The following PARD3B variants were observed in gnomAD, a reference collection of about 807,000 sequenced individuals.
PARD3B encodes par-3 family cell polarity regulator beta.
A neutral mutation model predicts 130.2 loss-of-function variants in PARD3B; 103 were observed. That is an observed-to-expected ratio of 0.79 (90% confidence interval 0.67 to 0.93). The LOEUF (loss-of-function observed/expected upper bound fraction) is 0.93, where lower values mean the gene tolerates loss of function less well. PARD3B is among the 40% of genes least tolerant of loss of function. The pLI is 0.00. For synonymous variants in PARD3B, 583 were observed against 553.2 expected (o/e 1.05, Z -0.76); for missense variants, 1,609 against 1,499.2 (o/e 1.07, Z -1.21).
chr2:205,033,512 C>G (rs535314178), intron 3 of PARD3B, among the ~76,000 whole-genome samples: 37 of 152,232 alleles, frequency 2.4e-4, no homozygotes, highest in African/African-American at 8.2e-4. Context: ...TTTCCTCAAT[C>G]AGTTGTTCCA....
chr2:205,185,618 C>T (rs1212148671), intron 13 of PARD3B, 146 bp from the exon 14 acceptor site: 3 of 595,206 alleles, frequency 5.0e-6, no homozygotes, highest in African/African-American at 3.7e-5. Flanking sequence ...TCATAAGGAT[C>T]CTTCAGTTCT....
In PARD3B at chr2:205,175,047, T is replaced by A. The variant is rs10170069; in HGVS notation, c.1792-1398T>A. ...AGCTCATCGTGGCAAAAGCAGAATA[T>A]GTTTAAAAATCCATTATATTTTTTA... On this transcript the variant is annotated intron_variant, in intron 12 of 22. Coordinates refer to ENST00000406610, the MANE Select transcript of PARD3B (RefSeq NM_001302769.2). Among the ~76,000 whole-genome samples, 796 of 152,046 alleles carry A rather than the reference T, an allele frequency of 5.2e-3. 8 individuals carry two copies. The highest frequency in any genetic ancestry group is 0.017 in the African/African-American group (718 of 41,448).
intron 2 of PARD3B, among the ~76,000 whole-genome samples, chr2:204,712,615 AAAAAAAAAAAAC>A (rs1391053377): frequency 1.3e-5 from 2 of 149,350 alleles, no homozygotes; most frequent in African/African-American, 2.4e-5. Context: ...CCCCATCTCA[AAAAAAAAAAAAC>A]AAAAAAAAAA....
chr2:205,169,257 C>G (rs186449220), intron 11 of PARD3B, among the ~76,000 whole-genome samples: 16 of 152,206 alleles, frequency 1.1e-4, no homozygotes, highest in Admixed American at 9.8e-4. Flanking sequence ...CCACAACTCT[C>G]TGGTGATGCT....
chr2:205,016,862 A>G (rs538363426), intron 3 of PARD3B, among the ~76,000 whole-genome samples: 25 of 152,170 alleles, frequency 1.6e-4, no homozygotes, highest in Non-Finnish European at 2.9e-4. Flanking sequence ...TTAAAATGTT[A>G]AAACAGTCTA....
rs2030739850 is a variant in PARD3B, at chr2:205,121,666, A to G, written c.882A>G (p.Glu294=). 2.5e-6 allele frequency: 4 copies of G among 1,614,218 alleles called. No homozygotes were observed. Among genetic ancestry groups the G allele is most frequent in the Non-Finnish European group, 2.5e-6 (3 of 1,180,042 alleles). The part of the protein sequence containing the change: ...LLHVLPPQNR[E]QYEKSVIGSL... Reference sequence around the variant, plus strand: ...ACGTGCTTCCTCCACAAAACCGTGAACAGTATGAAAAGTCAGTCATTGGCT... The same window carrying G: ...ACGTGCTTCCTCCACAAAACCGTGAGCAGTATGAAAAGTCAGTCATTGGCT... Residue 294 remains glutamate (E), a synonymous_variant, in exon 8 of 23, where the codon GAA becomes GAG. Transcript: ENST00000406610. The surrounding 1 kb of genome is among the most constrained non-coding windows in gnomAD (Gnocchi z 5.0).
chr2:205,440,254 A>G lies in PARD3B; in HGVS notation c.2742-116A>G. On this transcript the variant is annotated intron_variant, in intron 19 of 22. Coordinates refer to ENST00000406610, the MANE Select transcript of PARD3B (RefSeq NM_001302769.2). The surrounding 1 kb of genome is among the most constrained non-coding windows in gnomAD (Gnocchi z 4.2). The stretch of plus-strand genomic sequence containing the variant: ...TTCTGCATGCTGTGATCTTGAGTAA[A>G]CAGGAGAATGACAGCTAAGAGACGA... The G allele has an allele frequency of 2.0e-6, 2 of 1,016,266 alleles. No individual in the cohort carries two copies. The highest frequency in any genetic ancestry group is 1.6e-5 in the African/African-American group (1 of 61,544). 63.0% of individuals were successfully genotyped at this position (1,016,266 alleles called of 1,614,324 possible). A position where few individuals can be genotyped will look rare whatever the true frequency, so the allele number is the denominator to read the frequency against.
At chr2:205,118,875 C>A in intron 6 of PARD3B, 46 bp from the exon 7 acceptor site, 1 of 1,251,466 alleles carries the variant, frequency 8.0e-7, no homozygotes, top group Non-Finnish European at 1.1e-6. Flanking sequence ...AAATAATTAG[C>A]ATTTATTATT....
At chr2:205,611,319 G>C (rs1402885802) in intron 22 of PARD3B, among the ~76,000 whole-genome samples, 1 of 152,126 alleles carries the variant, frequency 6.6e-6, no homozygotes, top group Non-Finnish European at 1.5e-5. Flanking sequence ...AATTGTTTTA[G>C]CAAATGTAGG....
chr2:204,852,607 A>G (rs1306518848), intron 2 of PARD3B, among the ~76,000 whole-genome samples: 2 of 152,178 alleles, frequency 1.3e-5, no homozygotes, highest in Non-Finnish European at 2.9e-5. Context: ...AGGGATTAGT[A>G]TATTTCTCAA....
At chr2:204,576,996 T>A (rs2032295847) in intron 1 of PARD3B, among the ~76,000 whole-genome samples, 2 of 152,220 alleles carry the variant, frequency 1.3e-5, no homozygotes, top group African/African-American at 2.4e-5. Context: ...ATGATAGTGT[T>A]TGAATTTGAA....
intron 1 of PARD3B, among the ~76,000 whole-genome samples, chr2:204,624,512 A>G (rs1178444523): frequency 6.6e-6 from 1 of 152,200 alleles, no homozygotes; most frequent in Non-Finnish European, 1.5e-5. Flanking sequence ...AGGTATTTGC[A>G]TTTCCATATT....
At chr2:204,909,199 G>A (rs982402451) in intron 2 of PARD3B, among the ~76,000 whole-genome samples, 2 of 152,018 alleles carry the variant, frequency 1.3e-5, no homozygotes, top group Admixed American at 1.3e-4. Context: ...CAAATATTTG[G>A]GAAAGTAATT....
At chr2:204,959,210 T>C (rs1211012802) in intron 2 of PARD3B, among the ~76,000 whole-genome samples, 1 of 152,156 alleles carries the variant, frequency 6.6e-6, no homozygotes, top group Non-Finnish European at 1.5e-5. Flanking sequence ...CTGCCACTTA[T>C]GAGTGAGAAC....
chr2:204,611,743 T>A (rs2033931964), intron 1 of PARD3B, among the ~76,000 whole-genome samples: 1 of 152,210 alleles, frequency 6.6e-6, no homozygotes, highest in Non-Finnish European at 1.5e-5. Context: ...CTCCAATTAT[T>A]TTAAAATATA....
At chr2:205,370,925 A>G (rs769200395) in intron 18 of PARD3B, among the ~76,000 whole-genome samples, 11 of 152,016 alleles carry the variant, frequency 7.2e-5, no homozygotes, top group Admixed American at 2.6e-4. Context: ...TCTGCAGTCC[A>G]TATTTCTTGT....
intron 3 of PARD3B, among the ~76,000 whole-genome samples, chr2:205,000,121 A>G (rs185714048): frequency 1.4e-4 from 21 of 151,924 alleles, no homozygotes; most frequent in Admixed American, 1.2e-3. Flanking sequence ...TGAAACTTTT[A>G]CTGGAATATT....
At chr2:204,867,542 A>G (rs1446741914) in intron 2 of PARD3B, among the ~76,000 whole-genome samples, 2 of 152,200 alleles carry the variant, frequency 1.3e-5, no homozygotes, top group Non-Finnish European at 2.9e-5. Flanking sequence ...TTATTATCTT[A>G]TAACTTCAGC....
intron 2 of PARD3B, among the ~76,000 whole-genome samples, chr2:204,854,726 C>A (rs918847059): frequency 1.3e-5 from 2 of 152,000 alleles, no homozygotes; most frequent in Non-Finnish European, 2.9e-5. Context: ...TCAAAAAGAA[C>A]AAATATTAGC....
Sources: gnomAD v4.1 joint callset for allele counts (sites outside exome capture counted in the v4.1 genomes callset) on GRCh38, gnomAD v4.1.1 for gene constraint, Gnocchi (gnomAD v3.1) non-coding constraint, MANE v1.5 for transcripts, NCBI Gene and HGNC (gene_info 2026-07-23, HGNC 2026-07-21) for gene names.